Variants in ADAP1 observed in about 807,000 individuals in gnomAD.
The protein encoded by ADAP1 is arf-GAP with dual PH domain-containing protein 1.
In ADAP1, 31 loss-of-function variants were observed where a neutral mutation model predicts 54.9. That is an observed-to-expected ratio of 0.56 (90% CI 0.42 to 0.76). The LOEUF is 0.76. ADAP1 is among the 30% of genes least tolerant of loss of function. The pLI, the probability that ADAP1 is intolerant of heterozygous loss-of-function variation, is 0.00. For missense variants in ADAP1, 535 were observed against 512.4 expected (o/e 1.04, Z -0.42); for synonymous variants, 313 against 202.6 (o/e 1.55, Z -4.63).
chr7:903,993 T>A, intron 6 of ADAP1, 133 bp downstream of exon 6: 1 of 1,241,676 alleles, frequency 8.1e-7, no homozygotes, highest in Non-Finnish European at 1.1e-6. Context: ...CAGCCCGACT[T>A]CCCGCCTTCT....
chr7:905,675 G>GACAAGGGA (rs374086783), intron 4 of ADAP1: 1 of 68,680 alleles, frequency 1.5e-5, no homozygotes, highest in Non-Finnish European at 2.7e-5. Context: ...AAGGAGAAAG[G>GACAAGGGA]GAAAGGAGAA....
intron 4 of ADAP1, chr7:905,675 G>GGAAAGGA (rs1562912593): frequency 1.5e-5 from 1 of 68,680 alleles, no homozygotes; most frequent in African/African-American, 8.6e-5. Context: ...AAGGAGAAAG[G>GGAAAGGA]GAAAGGAGAA....
upstream of ADAP1, chr7:954,689 G>T: frequency 1.0e-6 from 1 of 981,434 alleles, no homozygotes; most frequent in African/African-American, 1.8e-5. Flanking sequence ...GTGCCGGCGC[G>T]GGGCCCGGGG....
At chr7:917,835 A>G (rs1178356480) in intron 4 of ADAP1, among the ~76,000 whole-genome samples, 1 of 151,996 alleles carries the variant, frequency 6.6e-6, no homozygotes, top group Admixed American at 6.6e-5. Context: ...TAGTGGTGCA[A>G]CCTTGGCTCA....
chr7:915,587 C>G (rs1583153478), intron 4 of ADAP1, among the ~76,000 whole-genome samples: 1 of 152,252 alleles, frequency 6.6e-6, no homozygotes, highest in Non-Finnish European at 1.5e-5. Context: ...CTCCCTCCAA[C>G]CCCTGCCCGA....
chr7:912,725 C>T (rs138781613), intron 4 of ADAP1, among the ~76,000 whole-genome samples: 9 of 152,188 alleles, frequency 5.9e-5, no homozygotes, highest in East Asian at 3.8e-4. Flanking sequence ...TATTTTGATA[C>T]GGAATCTCGC....
In ADAP1 at chr7:945,683, A is replaced by C; in HGVS notation, c.82+8713T>G. 8.4e-6 allele frequency: 8 copies of C among 949,214 alleles called. No individual in the cohort carries two copies. The highest frequency in any genetic ancestry group is 1.8e-5 in the African/African-American group (1 of 56,604). 58.8% of individuals were successfully genotyped at this position (949,214 alleles called of 1,614,324 possible). Reference sequence around the variant, plus strand: ...CATCCAGGCTGCCAGCACCGTCTCCAGGAGCTGCCTCCTCCTCGGAGACTG... The same window carrying C: ...CATCCAGGCTGCCAGCACCGTCTCCCGGAGCTGCCTCCTCCTCGGAGACTG... On this transcript the variant is annotated intron_variant, in intron 1 of 10. Coordinates refer to ENST00000265846, the MANE Select transcript of ADAP1 (RefSeq NM_006869.4). This position sits in a 1 kb window ranked among gnomAD's most constrained non-coding sequence, Gnocchi z 4.2.
intron 2 of ADAP1, among the ~76,000 whole-genome samples, chr7:934,407 A>G (rs1304057990): frequency 6.6e-6 from 1 of 151,986 alleles, no homozygotes; most frequent in Admixed American, 6.6e-5. Flanking sequence ...GCCCAGGGTC[A>G]ATGGTGCTGG....
At chr7:911,280 GC>G (rs1288798854) in intron 4 of ADAP1, among the ~76,000 whole-genome samples, 1 of 152,140 alleles carries the variant, frequency 6.6e-6, no homozygotes, top group Non-Finnish European at 1.5e-5. Context: ...ATGGGGCCCG[GC>G]CCCCGACAGG....
At chr7:915,373 A>G (rs375642543) in intron 4 of ADAP1, among the ~76,000 whole-genome samples, 2 of 152,220 alleles carry the variant, frequency 1.3e-5, no homozygotes, top group East Asian at 3.9e-4. Context: ...GGCACAGCCC[A>G]TGCGGCCTGG....
intron 2 of ADAP1, 132 bp downstream of exon 2, chr7:935,239 TCCAG>T: frequency 1.6e-6 from 2 of 1,285,326 alleles, no homozygotes; most frequent in Non-Finnish European, 2.2e-6. Flanking sequence ...GGTCCTCGGG[TCCAG>T]CCAGCCAGGC....
intron 1 of ADAP1, among the ~76,000 whole-genome samples, chr7:950,998 G>A (rs935525094): frequency 3.3e-5 from 5 of 152,080 alleles, no homozygotes; most frequent in African/African-American, 1.2e-4. Flanking sequence ...TGGAGATGAT[G>A]GTGGTGGCGG....
intron 4 of ADAP1, among the ~76,000 whole-genome samples, chr7:914,475 G>T (rs1321330432): frequency 6.6e-6 from 1 of 152,210 alleles, no homozygotes; most frequent in East Asian, 1.9e-4. Context: ...CTGGAGCCCT[G>T]TGGAGGAGGC....
chr7:906,671 AC>A (rs1562915055), intron 4 of ADAP1, among the ~76,000 whole-genome samples: 22 of 94,042 alleles, frequency 2.3e-4, no homozygotes, highest in East Asian at 1.1e-3. Context: ...GGGAAAGGGG[AC>A]ATGGACAGGG....
intron 4 of ADAP1, among the ~76,000 whole-genome samples, chr7:908,780 G>A (rs1438595142): frequency 6.6e-6 from 1 of 152,236 alleles, no homozygotes; most frequent in Non-Finnish European, 1.5e-5. Context: ...GGCCTCTGCC[G>A]CTCACGGCCT....
chr7:943,860 G>C, intron 1 of ADAP1, among the ~76,000 whole-genome samples: 1 of 151,052 alleles, frequency 6.6e-6, no homozygotes, highest in East Asian at 1.9e-4. Context: ...AAGGGAGAGA[G>C]GAGGAGGAAG....
intron 6 of ADAP1, among the ~76,000 whole-genome samples, chr7:903,212 G>A (rs1395906597): frequency 3.3e-5 from 5 of 152,264 alleles, no homozygotes; most frequent in Middle Eastern, 3.4e-3. Context: ...CGATCACAGC[G>A]TGCTCTGAGG....
At chr7:947,857 G>A (rs566276535) in intron 1 of ADAP1, among the ~76,000 whole-genome samples, 4 of 151,998 alleles carry the variant, frequency 2.6e-5, no homozygotes, top group East Asian at 1.9e-4. Flanking sequence ...CCCTCACAGC[G>A]TCCCCCAGCC....
chr7:904,972 G>C (rs1217883344), intron 5 of ADAP1, 88 bp downstream of exon 5: 19 of 1,178,890 alleles, frequency 1.6e-5, no homozygotes, highest in Non-Finnish European at 2.4e-5. Flanking sequence ...GGCAGCTGCG[G>C]ATGGACGCGG....
Sources: gnomAD v4.1 joint callset for allele counts (sites outside exome capture counted in the v4.1 genomes callset) on GRCh38, gnomAD v4.1.1 for gene constraint, Gnocchi (gnomAD v3.1) non-coding constraint, MANE v1.5 for transcripts, NCBI Gene and HGNC (gene_info 2026-07-23, HGNC 2026-07-21) for gene names.